Variants in TBC1D32 observed in about 807,000 individuals in gnomAD.
The protein encoded by TBC1D32 is TBC1 domain family member 32.
In TBC1D32, 151 loss-of-function variants were observed where a neutral mutation model predicts 170.3. The ratio of observed to expected loss-of-function variants is 0.89; its 90% confidence interval spans 0.78 to 1.01. The LOEUF is 1.01. Among genes scored for constraint, TBC1D32 ranks in the 50% least tolerant of loss-of-function variants. TBC1D32 has a pLI of 0.00. For synonymous variants in TBC1D32, 498 were observed against 488.0 expected, an observed-to-expected ratio of 1.02 and a Z score of -0.27; for missense variants, 1,464 against 1,457.1, an observed-to-expected ratio of 1.00 and a Z score of -0.08.
Position 121,113,074 on chromosome 6 carries a change from T to C in TBC1D32, c.3157A>G (p.Lys1053Glu), listed in dbSNP as rs772514749. Residue 1053 changes from lysine (K) to glutamate (E), a missense_variant, in exon 28 of 32, where the codon AAA (lysine) becomes GAA (glutamate). This residue lies in a region of TBC1D32 where 1,363 missense variants were observed against 1,338.1 expected (regional missense o/e 1.02). Transcript: ENST00000398212. ...TCAAAAAGGATATGAAGAGAAGATT[T>C]TATGGAAGTTTGCTGCTGTTTCAGG... ...RFLKQQQTSI[K>E]SSLLCLQGNY... The C allele has an allele frequency of 1.2e-6, 2 of 1,607,314 alleles. No individual in the cohort carries two copies. Among genetic ancestry groups the C allele is most frequent in the Admixed American group, 3.4e-5 (2 of 58,536 alleles).
chr6:121,309,733 T>C (rs1467356178), intron 4 of TBC1D32, among the ~76,000 whole-genome samples: 1 of 152,154 alleles, frequency 6.6e-6, no homozygotes, highest in Non-Finnish European at 1.5e-5. Context: ...TAATTGCTTC[T>C]CTTAAAAATC....
chr6:121,092,376 A>ATAGGT (rs1162344167), intron 30 of TBC1D32, among the ~76,000 whole-genome samples: 5 of 129,164 alleles, frequency 3.9e-5, no homozygotes, highest in Admixed American at 2.0e-4. Flanking sequence ...TCAATTTGTC[A>ATAGGT]TAGGTATAGA....
At chr6:121,160,886 G>T in intron 23 of TBC1D32, 62 bp downstream of exon 23, 1 of 1,290,588 alleles carries the variant, frequency 7.7e-7, no homozygotes, top group Non-Finnish European at 1.1e-6. Flanking sequence ...ACTTTGAGTT[G>T]GCTATCTTGC....
intron 31 of TBC1D32, among the ~76,000 whole-genome samples, chr6:121,082,623 C>T (rs1166031063): frequency 6.6e-6 from 1 of 151,952 alleles, no homozygotes; most frequent in African/African-American, 2.4e-5. Flanking sequence ...GATGACAGCA[C>T]TTGAACAAAG....
intron 3 of TBC1D32, among the ~76,000 whole-genome samples, chr6:121,315,636 G>A (rs1355444811): frequency 1.3e-5 from 2 of 152,010 alleles, no homozygotes; most frequent in Non-Finnish European, 2.9e-5. Flanking sequence ...GTTATTCATA[G>A]GAAAATTCAG....
At chr6:121,110,725 C>T (rs944005151) in intron 29 of TBC1D32, among the ~76,000 whole-genome samples, 3 of 151,534 alleles carry the variant, frequency 2.0e-5, no homozygotes, top group Non-Finnish European at 4.4e-5. Flanking sequence ...ACTGAATGTA[C>T]TATCAAGTCA....
intron 1 of TBC1D32, among the ~76,000 whole-genome samples, chr6:121,322,061 T>C (rs77827045): frequency 0.052 from 7,868 of 152,162 alleles, 403 homozygotes; most frequent in East Asian, 0.12. Flanking sequence ...GAAGTCTCTT[T>C]ACATTTCTTT....
Position 121,256,253 on chromosome 6 carries a change from G to C in TBC1D32, c.1766C>G (p.Ser589Trp), listed in dbSNP as rs767358318. 2 of 1,613,108 alleles carry C rather than the reference G, an allele frequency of 1.2e-6. No homozygotes were observed. The highest frequency in any genetic ancestry group is 3.3e-5 in the Admixed American group (2 of 59,880). Residue 589 changes from serine to tryptophan, a missense_variant, in exon 16 of 32, where the codon TCG becomes TGG. Transcript: ENST00000398212. ...AATATCTTCATCGAGAAGTTTTTTCGAAAACTGGGCAATTATATGAGCACC... is the reference window on the plus strand; with the variant it reads ...AATATCTTCATCGAGAAGTTTTTTCCAAAACTGGGCAATTATATGAGCACC... ...PTGAHIIAQF[S>W]KKLLDEDISI...
chr6:121,249,599 A>G (rs570635650), intron 17 of TBC1D32, among the ~76,000 whole-genome samples: 1 of 152,242 alleles, frequency 6.6e-6, no homozygotes, highest in Admixed American at 6.5e-5. Flanking sequence ...CCCAGATCTG[A>G]TAAATAAATT....
chr6:121,109,768 T>C (rs922909713), intron 29 of TBC1D32, among the ~76,000 whole-genome samples: 17 of 152,280 alleles, frequency 1.1e-4, no homozygotes, highest in South Asian at 8.3e-4. Context: ...ATGAGTAATA[T>C]AGTCATAGTT....
intron 21 of TBC1D32, among the ~76,000 whole-genome samples, chr6:121,220,640 C>CT (rs923251281): frequency 0.18 from 23,136 of 126,144 alleles, 3,259 homozygotes; most frequent in African/African-American, 0.35. Flanking sequence ...TTTTCTTTTT[C>CT]TTTTTTTTTT....
At chr6:121,102,787 T>C (rs2128188182) in intron 30 of TBC1D32, among the ~76,000 whole-genome samples, 1 of 152,122 alleles carries the variant, frequency 6.6e-6, no homozygotes, top group South Asian at 2.1e-4. Context: ...GAAACTACCA[T>C]CAGAGTGAAC....
In TBC1D32 at chr6:121,283,851, T is replaced by G; in HGVS notation, c.1432A>C (p.Ser478Arg). Residue 478 changes from serine (S) to arginine (R), a missense_variant, in exon 13 of 32, where the codon AGT becomes CGT. By Grantham distance (110) the Ser-to-Arg change is moderately radical. Coordinates refer to ENST00000398212, the MANE Select transcript of TBC1D32 (RefSeq NM_152730.6). Reference protein sequence around the residue: ...LFTQLIYYSPSCPKMTSAAHS... With the variant: ...LFTQLIYYSPRCPKMTSAAHS... ...GCAGCTGATGTCATCTTTGGACAAC[T>G]TGGTGAGTAATAGATAAGTTGGGTA... The G allele has an allele frequency of 5.0e-6, 8 of 1,611,148 alleles. No homozygotes were observed. The highest frequency in any genetic ancestry group is 1.3e-5 in the African/African-American group (1 of 74,946).
chr6:121,262,495 G>T (rs111678571), intron 15 of TBC1D32, among the ~76,000 whole-genome samples: 9,517 of 116,214 alleles, frequency 0.082, 368 homozygotes, highest in South Asian at 0.19. Flanking sequence ...TTTTTTTTTT[G>T]AGACAGAGTC....
intron 26 of TBC1D32, among the ~76,000 whole-genome samples, chr6:121,122,361 T>G (rs973325630): frequency 2.6e-5 from 4 of 152,018 alleles, no homozygotes; most frequent in Admixed American, 6.6e-5. Context: ...AATTAGGATG[T>G]CATGCCTATG....
At chr6:121,181,163 T>C (rs1386781608) in intron 22 of TBC1D32, among the ~76,000 whole-genome samples, 1 of 151,984 alleles carries the variant, frequency 6.6e-6, no homozygotes, top group Non-Finnish European at 1.5e-5. Flanking sequence ...AGAACAGCCA[T>C]TAGGGAAAAG....
intron 29 of TBC1D32, among the ~76,000 whole-genome samples, chr6:121,109,478 C>T (rs1209626700): frequency 6.6e-6 from 1 of 152,014 alleles, no homozygotes; most frequent in Non-Finnish European, 1.5e-5. Flanking sequence ...AATTTATGAT[C>T]ACTACTTTAA....
intron 12 of TBC1D32, among the ~76,000 whole-genome samples, chr6:121,286,975 C>A (rs1304034246): frequency 6.6e-6 from 1 of 152,094 alleles, no homozygotes; most frequent in East Asian, 1.9e-4. Flanking sequence ...CACCACCAGG[C>A]CTGCCCTAAA....
At chr6:121,324,169 A>C (rs574316117) in intron 1 of TBC1D32, among the ~76,000 whole-genome samples, 38 of 152,306 alleles carry the variant, frequency 2.5e-4, no homozygotes, top group African/African-American at 8.9e-4. Context: ...AAAATATCAG[A>C]AGTGTTATAA....
Sources: allele counts gnomAD v4.1 joint callset (sites outside exome capture counted in the v4.1 genomes callset), GRCh38; gene constraint gnomAD v4.1.1; regional missense constraint gnomAD v4.1.1; transcripts MANE v1.5; gene names NCBI Gene and HGNC (gene_info 2026-07-23, HGNC 2026-07-21).